SNX18: variants seen among roughly 807,000 people sequenced by gnomAD.
The protein encoded by SNX18 is sorting nexin-18.
Under a neutral mutation model 48.7 loss-of-function variants are expected in SNX18, and 35 were observed. The ratio of observed to expected loss-of-function variants is 0.72; its 90% CI spans 0.55 to 0.95. The LOEUF (loss-of-function observed/expected upper bound fraction) is 0.95, where lower values mean the gene tolerates loss of function less well. Ranked by LOEUF, SNX18 falls within the 40% of genes least tolerant of loss-of-function variation. The probability of loss-of-function intolerance (pLI) is 0.00; values close to 1 mark genes in which losing one functional copy is unlikely to be tolerated. For missense variants in SNX18, 824 were observed against 871.0 expected, an observed-to-expected ratio of 0.95 and a Z score of 0.68; for synonymous variants, 492 against 384.7, an observed-to-expected ratio of 1.28 and a Z score of -3.26.
the SNX18 span, among the ~76,000 whole-genome samples, chr5:54,635,369 A>G: frequency 6.6e-6 from 1 of 152,132 alleles, no homozygotes; most frequent in African/African-American, 2.4e-5. Context: ...ATTCTTACAG[A>G]CAATAAAAAC....
At chr5:54,572,752 G>GTATATATATATATATATATATATA in the SNX18 span, among the ~76,000 whole-genome samples, 8 of 39,500 alleles carry the variant, frequency 2.0e-4, no homozygotes, top group Non-Finnish European at 3.7e-4. Flanking sequence ...GTGTGTGTGT[G>GTATATATATATATATATATATATA]TGTATATATA....
chr5:54,528,397 T>G lies in SNX18; in HGVS notation c.1621+8824T>G, dbSNP rs539994268. Among the ~76,000 whole-genome samples, 3 of 152,266 alleles carry G rather than the reference T, an allele frequency of 2.0e-5. No homozygotes were observed. In the South Asian group the frequency reaches 6.2e-4, roughly 32 times the overall value. ...GACTGAAATAAAAGGTAGATTTAAC[T>G]TAGTACTGCGAATAAGACAGTGCAT... On this transcript the variant is annotated intron_variant, in intron 1 of 1. Transcript: ENST00000381410.
Position 54,518,507 on chromosome 5 carries a change from G to A in SNX18, c.555G>A (p.Ala185=), listed in dbSNP as rs560095073. Residue 185 remains alanine, a synonymous_variant, in exon 1 of 2, where the codon GCG becomes GCA. Transcript: ENST00000381410. ...AYPDLDGSSS[A]GVGAAGRYRL... is the part of the protein sequence containing the mutation. Reference sequence around the variant, plus strand: ...CGGACCTCGACGGCTCGTCTTCGGCGGGTGTGGGCGCAGCCGGCCGCTACC... The same window carrying A: ...CGGACCTCGACGGCTCGTCTTCGGCAGGTGTGGGCGCAGCCGGCCGCTACC... 1 of 1,556,326 alleles carries A rather than the reference G, an allele frequency of 6.4e-7. No individual in the cohort carries two copies. Among genetic ancestry groups the A allele is most frequent in the African/African-American group, 1.4e-5 (1 of 73,318 alleles).
chr5:54,626,465 T>G, the SNX18 span, among the ~76,000 whole-genome samples: 2 of 152,226 alleles, frequency 1.3e-5, no homozygotes, highest in Non-Finnish European at 2.9e-5. Context: ...AAAGAGAATT[T>G]CAGTTCGCTT....
the SNX18 span, among the ~76,000 whole-genome samples, chr5:54,589,076 C>G: frequency 1.3e-5 from 2 of 152,138 alleles, no homozygotes; most frequent in Admixed American, 6.5e-5. Flanking sequence ...AAGGTTGAAA[C>G]TATTAAGACA....
chr5:54,543,480 A>C lies in SNX18; in HGVS notation c.*48A>C. On this transcript the variant is annotated 3_prime_UTR_variant, in exon 2 of 2. Transcript: ENST00000381410. The stretch of plus-strand genomic sequence containing the variant: ...CTTTTTCAGTTCAAGGATAATTTCT[A>C]CAGCAGAATAAAAACTGCTGTCAAA... The C allele has an allele frequency of 6.3e-7, 1 of 1,586,308 alleles. No individual in the cohort carries two copies. The highest frequency in any genetic ancestry group is 8.6e-7 in the Non-Finnish European group (1 of 1,165,792).
chr5:54,519,310 C>T lies in SNX18; in HGVS notation c.1358C>T (p.Ala453Val), dbSNP rs1356782237. The T allele has an allele frequency of 1.2e-6, 2 of 1,613,942 alleles. No individual in the cohort carries two copies. Among genetic ancestry groups the T allele is most frequent in the South Asian group, 1.1e-5 (1 of 91,080 alleles). ...LQLNHTANEF[A>V]RKQVTGFKKE... ...CTCAACCACACGGCCAACGAGTTCG[C>T]GCGCAAGCAGGTGACCGGCTTCAAA... The change falls in exon 1 of 2, where the codon GCG (alanine) becomes GTG (valine). Residue 453 changes from alanine (A) to valine (V), a missense_variant. By Grantham distance (64) the Ala-to-Val change is moderately conservative. Coordinates refer to ENST00000381410, the MANE Select transcript of SNX18 (RefSeq NM_001102575.2).
intron 1 of SNX18, among the ~76,000 whole-genome samples, chr5:54,527,862 G>T (rs931139160): frequency 6.6e-6 from 1 of 152,134 alleles, no homozygotes; most frequent in Non-Finnish European, 1.5e-5. Flanking sequence ...TTTATAAGAT[G>T]TTTTTGTTTT....
At chr5:54,527,366 G>C (rs1326903210) in intron 1 of SNX18, among the ~76,000 whole-genome samples, 9 of 152,194 alleles carry the variant, frequency 5.9e-5, no homozygotes, top group African/African-American at 2.2e-4. Context: ...GCCGGGGGGG[G>C]GGGTCCCCCT....
the SNX18 span, among the ~76,000 whole-genome samples, chr5:54,607,277 C>A: frequency 1.3e-5 from 2 of 152,180 alleles, no homozygotes; most frequent in African/African-American, 2.4e-5. Context: ...GTGCAGGAAC[C>A]CTCACCCCAG....
At chr5:54,531,740 G>A (rs1452266131) in intron 1 of SNX18, among the ~76,000 whole-genome samples, 1 of 152,184 alleles carries the variant, frequency 6.6e-6, no homozygotes, top group Non-Finnish European at 1.5e-5. Flanking sequence ...ACAGGAGTGA[G>A]GCGTGTCCTT....
At chr5:54,566,803 C>T in the SNX18 span, among the ~76,000 whole-genome samples, 2 of 152,218 alleles carry the variant, frequency 1.3e-5, no homozygotes, top group Non-Finnish European at 2.9e-5. Flanking sequence ...GCTAGGGACT[C>T]ATTACTGTGG....
At chr5:54,529,321 C>T (rs1053346396) in intron 1 of SNX18, among the ~76,000 whole-genome samples, 5 of 152,212 alleles carry the variant, frequency 3.3e-5, no homozygotes, top group South Asian at 2.1e-4. Flanking sequence ...TGGCCTGGAG[C>T]GGGGTCTGCA....
intron 1 of SNX18, among the ~76,000 whole-genome samples, chr5:54,537,833 T>C (rs1051613550): frequency 6.6e-6 from 1 of 152,222 alleles, no homozygotes; most frequent in Non-Finnish European, 1.5e-5. Context: ...TTTACACTCC[T>C]CGGGTTTGGT....
the SNX18 span, among the ~76,000 whole-genome samples, chr5:54,568,481 T>C: frequency 6.6e-6 from 1 of 152,134 alleles, no homozygotes; most frequent in Non-Finnish European, 1.5e-5. Flanking sequence ...CCTACTTGAC[T>C]CATTGCTCTT....
chr5:54,593,610 C>T, the SNX18 span, among the ~76,000 whole-genome samples: 24 of 152,278 alleles, frequency 1.6e-4, no homozygotes, highest in Admixed American at 2.6e-4. Flanking sequence ...GAAAGATGAA[C>T]GAACTTGGAA....
the SNX18 span, among the ~76,000 whole-genome samples, chr5:54,591,941 T>C: frequency 6.6e-6 from 1 of 152,232 alleles, no homozygotes; most frequent in Non-Finnish European, 1.5e-5. Flanking sequence ...CTAACAAATA[T>C]CTTGGCCTAT....
At chr5:54,584,460 G>A in the SNX18 span, among the ~76,000 whole-genome samples, 1 of 152,232 alleles carries the variant, frequency 6.6e-6, no homozygotes, top group South Asian at 2.1e-4. Context: ...GACTAATGGG[G>A]AGGACACTTC....
chr5:54,615,567 C>T, the SNX18 span, among the ~76,000 whole-genome samples: 3 of 152,214 alleles, frequency 2.0e-5, no homozygotes, highest in Admixed American at 1.3e-4. Flanking sequence ...GATATCTTTG[C>T]ATTGTATCAC....
Sources: allele counts gnomAD v4.1 joint callset (sites outside exome capture counted in the v4.1 genomes callset), GRCh38; gene constraint gnomAD v4.1.1; transcripts MANE v1.5; gene names NCBI Gene and HGNC (gene_info 2026-07-23, HGNC 2026-07-21).